RANBP2: variants seen among roughly 807,000 people sequenced by gnomAD.
The protein encoded by RANBP2 is E3 SUMO-protein ligase RanBP2.
A neutral mutation model predicts 303.6 loss-of-function variants in RANBP2; 57 were observed. The ratio of observed to expected loss-of-function variants is 0.19; its 90% CI spans 0.15 to 0.23. The LOEUF is 0.23. RANBP2 is among the 10% of genes least tolerant of loss of function. The pLI is 1.00. For missense variants in RANBP2, 3,138 were observed against 3,780.8 expected (o/e 0.83, Z 4.46); for synonymous variants, 1,167 against 1,301.5 (o/e 0.90, Z 2.23).
chr2:109,488,716 A>C, the RANBP2 span, among the ~76,000 whole-genome samples: 1 of 152,214 alleles, frequency 6.6e-6, no homozygotes, highest in Non-Finnish European at 1.5e-5. Flanking sequence ...AGACTCGGGA[A>C]ACACCACACT....
At chr2:109,593,644 T>C in the RANBP2 span, among the ~76,000 whole-genome samples, 1 of 152,132 alleles carries the variant, frequency 6.6e-6, no homozygotes, top group Non-Finnish European at 1.5e-5. Flanking sequence ...GACCTCGTGA[T>C]TGGCCTGCCT....
the RANBP2 span, among the ~76,000 whole-genome samples, chr2:109,017,157 T>G: frequency 6.6e-6 from 1 of 152,268 alleles, no homozygotes; most frequent in Non-Finnish European, 1.5e-5. Context: ...CTCCCTTCAG[T>G]CACACCCGGT....
the RANBP2 span, among the ~76,000 whole-genome samples, chr2:109,421,046 A>G: frequency 3.9e-5 from 6 of 152,178 alleles, no homozygotes; most frequent in African/African-American, 9.7e-5. Context: ...TACTACCTCC[A>G]TCTCCTGCCA....
chr2:109,016,625 C>T, the RANBP2 span, among the ~76,000 whole-genome samples: 1,028 of 152,280 alleles, frequency 6.8e-3, 7 homozygotes, highest in South Asian at 0.027. Flanking sequence ...AGAGCAAGCC[C>T]GGGACCTGGC....
the RANBP2 span, among the ~76,000 whole-genome samples, chr2:108,820,344 G>A: frequency 6.6e-6 from 1 of 152,314 alleles, no homozygotes; most frequent in South Asian, 2.1e-4. Flanking sequence ...AGATCATCAA[G>A]TGAACCACTA....
chr2:108,839,890 G>T, the RANBP2 span, among the ~76,000 whole-genome samples: 1 of 151,652 alleles, frequency 6.6e-6, no homozygotes, highest in African/African-American at 2.4e-5. Flanking sequence ...ATTAGCTAGA[G>T]TTTCCAGCAG....
Position 108,743,475 on chromosome 2 carries a change from A to G in RANBP2, c.975+2794A>G, listed in dbSNP as rs145344089. ...TTTTTTGTAAAGACAAGGTCTTGCT[A>G]TGTTTCCCAGGCTGGTTAGTCTTGA... On this transcript the variant is annotated intron_variant, in intron 7 of 28. Coordinates refer to ENST00000283195, the MANE Select transcript of RANBP2 (RefSeq NM_006267.5). Among the ~76,000 whole-genome samples the G allele has an allele frequency of 8.8e-3, 1,340 of 152,138 alleles. 24 individuals are homozygous for G. The highest frequency in any genetic ancestry group is 0.03 in the African/African-American group (1,225 of 41,496).
the RANBP2 span, among the ~76,000 whole-genome samples, chr2:109,155,467 T>C: frequency 6.6e-6 from 1 of 152,076 alleles, no homozygotes; most frequent in Non-Finnish European, 1.5e-5. Context: ...CACGCCTGGC[T>C]AATTTTTGTA....
intron 1 of RANBP2, among the ~76,000 whole-genome samples, chr2:108,726,465 CAG>C (rs2149085324): frequency 7.2e-6 from 1 of 138,696 alleles, no homozygotes; most frequent in East Asian, 2.1e-4. Context: ...GCTTAAACAA[CAG>C]AAATTTATTT....
At chr2:109,683,397 C>T in the RANBP2 span, among the ~76,000 whole-genome samples, 1 of 152,142 alleles carries the variant, frequency 6.6e-6, no homozygotes, top group African/African-American at 2.4e-5. Context: ...CATTTGCATG[C>T]CTTTTCTCTT....
At chr2:108,867,573 A>G in the RANBP2 span, among the ~76,000 whole-genome samples, 1 of 152,174 alleles carries the variant, frequency 6.6e-6, no homozygotes, top group African/African-American at 2.4e-5. Context: ...CTTTCAAGAA[A>G]TAGCTCATCT....
the RANBP2 span, among the ~76,000 whole-genome samples, chr2:109,461,278 C>T: frequency 6.6e-6 from 1 of 152,218 alleles, no homozygotes; most frequent in Non-Finnish European, 1.5e-5. Context: ...CATGGTCAAG[C>T]ATTTAGTCTC....
At chr2:109,169,704 C>CTA in the RANBP2 span, among the ~76,000 whole-genome samples, 1 of 151,338 alleles carries the variant, frequency 6.6e-6, no homozygotes, top group Non-Finnish European at 1.5e-5. Flanking sequence ...ATCTCTCTCT[C>CTA]TATATATATC....
chr2:108,775,683 G>T (rs756619900), intron 23 of RANBP2, 49 bp from the exon 24 acceptor site: 1 of 1,583,686 alleles, frequency 6.3e-7, no homozygotes, highest in Non-Finnish European at 8.7e-7. Context: ...AATCTGTTTT[G>T]TAAATTAGCA....
the RANBP2 span, among the ~76,000 whole-genome samples, chr2:109,417,692 G>T: frequency 2.0e-5 from 3 of 152,150 alleles, no homozygotes; most frequent in African/African-American, 7.2e-5. Flanking sequence ...GGAGTCTCTC[G>T]GTTGCACCCG....
At chr2:108,946,138 C>A in the RANBP2 span, among the ~76,000 whole-genome samples, 1 of 152,190 alleles carries the variant, frequency 6.6e-6, no homozygotes, top group African/African-American at 2.4e-5. Context: ...GTCGTCCACA[C>A]CCTGTGAGAT....
At chr2:108,759,476 G>A (rs193234613) in intron 18 of RANBP2, among the ~76,000 whole-genome samples, 99 of 152,196 alleles carry the variant, frequency 6.5e-4, no homozygotes, top group African/African-American at 2.2e-3. Context: ...TGAAATGGTA[G>A]TAGTAGTAGT....
the RANBP2 span, among the ~76,000 whole-genome samples, chr2:109,372,012 C>A: frequency 6.6e-5 from 10 of 152,328 alleles, no homozygotes; most frequent in South Asian, 2.1e-3. Context: ...CCAACTCCCC[C>A]AAGTGCTGCT....
the RANBP2 span, among the ~76,000 whole-genome samples, chr2:109,657,699 G>T: frequency 1.0e-4 from 15 of 148,924 alleles, no homozygotes; most frequent in Admixed American, 8.8e-4. Flanking sequence ...AGCTCCACAG[G>T]CATGAATTAG....
Sources: gnomAD v4.1 joint callset for allele counts (sites outside exome capture counted in the v4.1 genomes callset) on GRCh38, gnomAD v4.1.1 for gene constraint, MANE v1.5 for transcripts, NCBI Gene and HGNC (gene_info 2026-07-23, HGNC 2026-07-21) for gene names.